The following ANKRD13C variants were observed in gnomAD, a reference collection of about 807,000 sequenced individuals.
ANKRD13C encodes ankyrin repeat domain 13C.
In ANKRD13C, 16 loss-of-function variants were observed where a neutral mutation model predicts 65.5. The ratio of observed to expected loss-of-function variants is 0.24; its 90% confidence interval spans 0.17 to 0.37. The LOEUF (loss-of-function observed/expected upper bound fraction) is 0.37. ANKRD13C is among the 10% of genes least tolerant of loss of function. The pLI is 1.00. For missense variants in ANKRD13C, 503 were observed against 655.9 expected (o/e 0.77, Z 2.55); for synonymous variants, 235 against 238.7 (o/e 0.98, Z 0.14).
At chr1:70,313,303 A>G (rs1018031887) in intron 5 of ANKRD13C, among the ~76,000 whole-genome samples, 1 of 152,084 alleles carries the variant, frequency 6.6e-6, no homozygotes, top group Non-Finnish European at 1.5e-5. Flanking sequence ...CCGAGGTAGG[A>G]GGATCGCTTG....
chr1:70,354,674 G>A lies in ANKRD13C; in HGVS notation c.-266C>T. ...TCTCAGTCTCGCCGTCGCAGCCGCC[G>A]TCGCTGCCTTACACCGAAAAACAGG... On this transcript the variant is annotated 5_prime_UTR_variant, in exon 1 of 13. It adds an upstream start codon to the 5' untranslated region. Transcript: ENST00000370944. The A allele has an allele frequency of 1.2e-6, 1 of 835,308 alleles. No homozygotes were observed. Among genetic ancestry groups the A allele is most frequent in the South Asian group, 1.9e-5 (1 of 53,804 alleles). The allele number at this position is 835,308 out of a possible 1,614,324, so 51.7% of individuals were successfully genotyped here. A position where few individuals can be genotyped will look rare whatever the true frequency, so the allele number is the denominator to read the frequency against.
intron 12 of ANKRD13C, among the ~76,000 whole-genome samples, chr1:70,266,452 G>GT (rs1558257191): frequency 6.6e-6 from 1 of 152,184 alleles, no homozygotes; most frequent in Non-Finnish European, 1.5e-5. Context: ...CTTTTTGTGT[G>GT]TGTGTGAACA....
intron 1 of ANKRD13C, among the ~76,000 whole-genome samples, chr1:70,346,198 C>T (rs933289994): frequency 8.5e-5 from 13 of 152,050 alleles, no homozygotes; most frequent in African/African-American, 3.1e-4. Flanking sequence ...GAGCAAAAGG[C>T]ACAATCCCAA....
chr1:70,353,567 TGAAG>T (rs1317241610), intron 1 of ANKRD13C, among the ~76,000 whole-genome samples: 1 of 151,926 alleles, frequency 6.6e-6, no homozygotes, highest in Non-Finnish European at 1.5e-5. Context: ...ATGTGAGCAA[TGAAG>T]GGAGGAGGGC....
chr1:70,311,474 C>T (rs1558292089), intron 5 of ANKRD13C, among the ~76,000 whole-genome samples: 1 of 151,756 alleles, frequency 6.6e-6, no homozygotes, highest in East Asian at 1.9e-4. Context: ...GACTCCCTCT[C>T]AATAAATAAA....
intron 11 of ANKRD13C, among the ~76,000 whole-genome samples, chr1:70,273,497 T>C (rs1037173053): frequency 1.3e-5 from 2 of 152,194 alleles, no homozygotes; most frequent in African/African-American, 4.8e-5. Flanking sequence ...AGAGGATATA[T>C]TCAATATGTT....
At chr1:70,346,810 G>A (rs370655765) in intron 1 of ANKRD13C, among the ~76,000 whole-genome samples, 2 of 152,028 alleles carry the variant, frequency 1.3e-5, no homozygotes, top group Non-Finnish European at 2.9e-5. Flanking sequence ...AAATTGTGTC[G>A]GGCGGGCGCG....
At chr1:70,306,883 C>A (rs1680609382) in intron 5 of ANKRD13C, among the ~76,000 whole-genome samples, 1 of 152,112 alleles carries the variant, frequency 6.6e-6, no homozygotes, top group Non-Finnish European at 1.5e-5. Flanking sequence ...TGCCACAAGC[C>A]ATATTCTGAT....
At position 70,336,476 on chromosome 1, in the gene ANKRD13C, C is replaced by T. The variant is rs190586288; in HGVS notation, c.431-377G>A. On this transcript the variant is annotated intron_variant, in intron 1 of 12. Transcript: ENST00000370944. ...ACTGAATCCCAGTTTTCAAGTTGTT[C>T]GGAAAGTCTGCTGTTAGAGACAAAT... is the stretch of plus-strand genomic sequence containing the variant. 3.8e-3 allele frequency among the ~76,000 whole-genome samples: 571 copies of T among 151,968 alleles called. 6 individuals carry two copies. Among genetic ancestry groups the T allele is most frequent in the African/African-American group, 0.013 (548 of 41,456 alleles).
chr1:70,283,192 T>C (rs1046562614), intron 9 of ANKRD13C, among the ~76,000 whole-genome samples: 1 of 152,226 alleles, frequency 6.6e-6, no homozygotes, highest in Admixed American at 6.5e-5. Flanking sequence ...CTTTATTATA[T>C]ACTGACACTT....
At chr1:70,319,431 C>A (rs991652839) in intron 3 of ANKRD13C, among the ~76,000 whole-genome samples, 7 of 152,048 alleles carry the variant, frequency 4.6e-5, no homozygotes, top group African/African-American at 1.7e-4. Context: ...CATAGTGAAA[C>A]CCCGTCTCTA....
chr1:70,262,694 G>T lies in ANKRD13C; in HGVS notation c.*23C>A. 1 of 1,607,044 alleles carries T rather than the reference G, an allele frequency of 6.2e-7. No homozygotes were observed. Among genetic ancestry groups the T allele is most frequent in the Non-Finnish European group, 8.5e-7 (1 of 1,175,648 alleles). On this transcript the variant is annotated 3_prime_UTR_variant, in exon 13 of 13. Coordinates refer to ENST00000370944, the MANE Select transcript of ANKRD13C (RefSeq NM_030816.5). ...TCTCTGTATTTTCTTTCCTTGGTTA[G>T]ACGGCATCCTTTTCCACGTCAGTTA...
chr1:70,270,288 G>C (rs949086782), intron 12 of ANKRD13C, among the ~76,000 whole-genome samples: 1 of 152,128 alleles, frequency 6.6e-6, no homozygotes, highest in African/African-American at 2.4e-5. Flanking sequence ...CACTTTTCTT[G>C]TGTGAAATAG....
In ANKRD13C at chr1:70,354,458, C is replaced by T. The variant is rs541277251; in HGVS notation, c.-50G>A. The stretch of plus-strand genomic sequence containing the variant: ...GAATCGGGAGGCTCACCGCTGGCGA[C>T]GGAGCTGGCGCTGCGGCGGCACAAG... On this transcript the variant is annotated 5_prime_UTR_variant, in exon 1 of 13. Coordinates refer to ENST00000370944, the MANE Select transcript of ANKRD13C (RefSeq NM_030816.5). 1 of 1,558,668 alleles carries T rather than the reference C, an allele frequency of 6.4e-7. No homozygotes were observed. Among genetic ancestry groups the T allele is most frequent in the Non-Finnish European group, 8.7e-7 (1 of 1,154,356 alleles).
At chr1:70,277,757 C>T (rs534208068) in intron 9 of ANKRD13C, among the ~76,000 whole-genome samples, 4 of 152,140 alleles carry the variant, frequency 2.6e-5, no homozygotes, top group African/African-American at 4.8e-5. Context: ...AAGTTCAAAA[C>T]GGAGATCAAC....
chr1:70,324,618 G>C (rs1273800011), intron 3 of ANKRD13C, among the ~76,000 whole-genome samples: 1 of 152,008 alleles, frequency 6.6e-6, no homozygotes, highest in Non-Finnish European at 1.5e-5. Context: ...GAGAACATCA[G>C]TAAGGTAGAA....
intron 9 of ANKRD13C, among the ~76,000 whole-genome samples, chr1:70,291,940 A>G (rs934641009): frequency 1.3e-5 from 2 of 151,930 alleles, no homozygotes; most frequent in African/African-American, 4.8e-5. Flanking sequence ...CCAACATGAT[A>G]AAACCCTGTC....
At chr1:70,297,515 A>C (rs1680142750) in intron 7 of ANKRD13C, among the ~76,000 whole-genome samples, 1 of 145,950 alleles carries the variant, frequency 6.9e-6, no homozygotes, top group South Asian at 2.2e-4. Context: ...GATGGTCTCG[A>C]TCTCCTGACC....
chr1:70,324,639 GA>G (rs199604404), intron 3 of ANKRD13C, among the ~76,000 whole-genome samples: 2 of 151,024 alleles, frequency 1.3e-5, no homozygotes, highest in African/African-American at 4.9e-5. Flanking sequence ...TGCAGCAAAA[GA>G]AAAAAAAATT....
Sources: allele counts gnomAD v4.1 joint callset (sites outside exome capture counted in the v4.1 genomes callset), GRCh38; gene constraint gnomAD v4.1.1; transcripts MANE v1.5; gene names NCBI Gene and HGNC (gene_info 2026-07-23, HGNC 2026-07-21).